STK32B: variants seen among roughly 807,000 people sequenced by gnomAD.
STK32B encodes serine/threonine-protein kinase 32B.
STK32B carries 43 observed loss-of-function variants against 52.6 expected under a neutral mutation model. The ratio of observed to expected loss-of-function variants is 0.82; its 90% CI spans 0.64 to 1.05. The LOEUF is 1.05. Among genes scored for constraint, STK32B ranks in the 50% least tolerant of loss-of-function variants. STK32B has a pLI of 0.00. For synonymous variants in STK32B, 238 were observed against 204.3 expected, an observed-to-expected ratio of 1.17 and a Z score of -1.41; for missense variants, 621 against 534.6, an observed-to-expected ratio of 1.16 and a Z score of -1.59.
At chr4:5,144,788 C>CATT (rs869178092) in intron 2 of STK32B, among the ~76,000 whole-genome samples, 4,174 of 29,306 alleles carry the variant, frequency 0.14, 98 homozygotes, top group East Asian at 0.4. Context: ...ATTCACTCAT[C>CATT]CATCCATCCA....
chr4:5,361,681 G>A (rs1345691275), intron 4 of STK32B, among the ~76,000 whole-genome samples: 1 of 152,210 alleles, frequency 6.6e-6, no homozygotes, highest in Non-Finnish European at 1.5e-5. Flanking sequence ...GTCTGGACTA[G>A]AATTCTGTAA....
At chr4:5,036,508 G>A in the STK32B span, among the ~76,000 whole-genome samples, 2 of 152,246 alleles carry the variant, frequency 1.3e-5, no homozygotes, top group Middle Eastern at 3.4e-3. Context: ...AAGGAGGCCT[G>A]AGAAGTTAAG....
In STK32B at chr4:5,330,955, C is replaced by T. The variant is rs75479854; in HGVS notation, c.261-265C>T. 2.0e-4 allele frequency among the ~76,000 whole-genome samples: 31 copies of T among 152,298 alleles called. No individual in the cohort carries two copies. The East Asian group carries it at 4.8e-3, about 24-fold the overall frequency. ...AGTCCAGTAGTAGTTAAACTGTCAT[C>T]TGTCTGCCAGAGCCTGGGAACTAAT... On this transcript the variant is annotated intron_variant, in intron 3 of 11. Coordinates refer to ENST00000282908, the MANE Select transcript of STK32B (RefSeq NM_018401.3).
At chr4:5,172,623 A>G (rs1719479188) in intron 3 of STK32B, among the ~76,000 whole-genome samples, 1 of 151,090 alleles carries the variant, frequency 6.6e-6, no homozygotes, top group African/African-American at 2.4e-5. Context: ...ATTGATTTTC[A>G]TATGTTGAAC....
At chr4:5,088,945 T>G (rs1386425745) in intron 1 of STK32B, among the ~76,000 whole-genome samples, 2 of 151,140 alleles carry the variant, frequency 1.3e-5, no homozygotes, top group Admixed American at 6.6e-5. Flanking sequence ...TGCTACGAAT[T>G]AGAATGGAAA....
At chr4:5,059,151 C>T (rs1742124637) in intron 1 of STK32B, among the ~76,000 whole-genome samples, 1 of 148,106 alleles carries the variant, frequency 6.8e-6, no homozygotes, top group East Asian at 2.1e-4. Context: ...AATCCTCCCA[C>T]CTCAGCCTAC....
At chr4:5,484,805 A>G (rs1195471327) in intron 11 of STK32B, among the ~76,000 whole-genome samples, 3 of 152,076 alleles carry the variant, frequency 2.0e-5, no homozygotes, top group Non-Finnish European at 4.4e-5. Context: ...ATCTCTCAGC[A>G]TTTGCTTGTC....
chr4:5,287,333 A>G (rs981180744), intron 3 of STK32B, among the ~76,000 whole-genome samples: 7 of 152,112 alleles, frequency 4.6e-5, no homozygotes, highest in African/African-American at 1.7e-4. Flanking sequence ...TCACATTTTC[A>G]TTTTAATTTG....
At chr4:5,314,426 T>C (rs927845647) in intron 3 of STK32B, among the ~76,000 whole-genome samples, 1 of 152,132 alleles carries the variant, frequency 6.6e-6, no homozygotes, top group Non-Finnish European at 1.5e-5. Flanking sequence ...TCCCAGCACT[T>C]TGGGAGGCTG....
At chr4:5,038,985 C>CTTTTTTTT in the STK32B span, among the ~76,000 whole-genome samples, 1 of 122,354 alleles carries the variant, frequency 8.2e-6, no homozygotes, top group African/African-American at 3.2e-5. Context: ...AAATTTCTTT[C>CTTTTTTTT]TTTTTTTTTT....
At chr4:5,230,864 G>A (rs1260732229) in intron 3 of STK32B, among the ~76,000 whole-genome samples, 1 of 152,208 alleles carries the variant, frequency 6.6e-6, no homozygotes, top group Non-Finnish European at 1.5e-5. Flanking sequence ...TGAGAAAAGT[G>A]CTCTGAATGG....
the STK32B span, among the ~76,000 whole-genome samples, chr4:5,033,324 C>G: frequency 6.6e-6 from 1 of 152,188 alleles, no homozygotes; most frequent in Non-Finnish European, 1.5e-5. Flanking sequence ...CGTGGAAACC[C>G]TGCTTCTCCC....
At chr4:5,456,623 C>T (rs561538177) in intron 7 of STK32B, among the ~76,000 whole-genome samples, 184 bp from the exon 8 acceptor site, 1 of 152,338 alleles carries the variant, frequency 6.6e-6, no homozygotes, top group Non-Finnish European at 1.5e-5. Flanking sequence ...TCCTGCACTG[C>T]CCCCTGGGCC....
At chr4:5,053,457 C>T (rs771670568) in intron 1 of STK32B, among the ~76,000 whole-genome samples, 1 of 152,118 alleles carries the variant, frequency 6.6e-6, no homozygotes. Context: ...TAGCCTGGGT[C>T]AAAGGTCATG....
intron 3 of STK32B, among the ~76,000 whole-genome samples, chr4:5,191,217 T>C (rs74526257): frequency 0.025 from 3,861 of 151,980 alleles, 146 homozygotes; most frequent in African/African-American, 0.087. Flanking sequence ...TGGGGTTGAG[T>C]TTGTGGACCA....
At chr4:5,112,009 T>C (rs1714432200) in intron 1 of STK32B, among the ~76,000 whole-genome samples, 1 of 152,166 alleles carries the variant, frequency 6.6e-6, no homozygotes, top group Non-Finnish European at 1.5e-5. Flanking sequence ...AAAATCATCC[T>C]ACCCTTTGTT....
chr4:5,372,631 C>A (rs1182210950), intron 4 of STK32B, among the ~76,000 whole-genome samples: 1 of 151,098 alleles, frequency 6.6e-6, no homozygotes, highest in Non-Finnish European at 1.5e-5. Context: ...GGTCAGTGGA[C>A]TATTTAATAA....
chr4:5,126,522 G>T (rs1334132797), intron 1 of STK32B, among the ~76,000 whole-genome samples: 1 of 152,246 alleles, frequency 6.6e-6, no homozygotes, highest in African/African-American at 2.4e-5. Flanking sequence ...GTCTAGTGCT[G>T]CCTGGGCATC....
chr4:5,343,048 C>G (rs1366265149), intron 4 of STK32B, among the ~76,000 whole-genome samples: 2 of 151,924 alleles, frequency 1.3e-5, no homozygotes. Flanking sequence ...GTGCTGCACC[C>G]GTTAACTTGT....
Sources: allele counts gnomAD v4.1 joint callset (sites outside exome capture counted in the v4.1 genomes callset), GRCh38; gene constraint gnomAD v4.1.1; transcripts MANE v1.5; gene names NCBI Gene and HGNC (gene_info 2026-07-23, HGNC 2026-07-21).